Variants in PKIA observed in about 807,000 individuals in gnomAD.
PKIA encodes the protein PKI-alpha.
PKIA carries 4 observed loss-of-function variants against 7.6 expected under a neutral mutation model. That is an observed-to-expected ratio of 0.52 (90% CI 0.26 to 1.20). The LOEUF is 1.20. Among genes scored for constraint, PKIA ranks in the 50% most tolerant of loss-of-function variants. PKIA has a pLI of 0.13. For synonymous variants in PKIA, 21 were observed against 30.7 expected, an observed-to-expected ratio of 0.68 and a Z score of 1.04; for missense variants, 73 against 86.2, an observed-to-expected ratio of 0.85 and a Z score of 0.61.
chr8:78,559,067 A>C (rs773188173), intron 1 of PKIA, among the ~76,000 whole-genome samples: 11 of 152,060 alleles, frequency 7.2e-5, no homozygotes, highest in Non-Finnish European at 1.6e-4. Flanking sequence ...AATAACAGGC[A>C]TGCGCCACAA....
intron 2 of PKIA, among the ~76,000 whole-genome samples, chr8:78,577,023 C>T (rs1331614460): frequency 6.6e-6 from 1 of 151,966 alleles, no homozygotes; most frequent in East Asian, 1.9e-4. Context: ...GAGATAATGT[C>T]TTTTGTAGGA....
intron 3 of PKIA, among the ~76,000 whole-genome samples, chr8:78,601,030 A>C (rs943195670): frequency 2.0e-5 from 3 of 152,126 alleles, no homozygotes; most frequent in African/African-American, 7.2e-5. Context: ...AATTGCCAAC[A>C]GCTTGCACTT....
At chr8:78,572,573 A>ACACAC (rs1807578594) in intron 1 of PKIA, among the ~76,000 whole-genome samples, 3 of 151,194 alleles carry the variant, frequency 2.0e-5, no homozygotes, top group Non-Finnish European at 4.4e-5. Context: ...ACACACACAC[A>ACACAC]ATTAATTAAC....
At chr8:78,532,387 C>T (rs1055356800) in intron 1 of PKIA, among the ~76,000 whole-genome samples, 1 of 151,808 alleles carries the variant, frequency 6.6e-6, no homozygotes, top group East Asian at 1.9e-4. Flanking sequence ...TCCAGCTCAC[C>T]CCTGCTCATT....
chr8:78,575,419 C>G (rs577968201), intron 2 of PKIA, among the ~76,000 whole-genome samples: 36 of 151,700 alleles, frequency 2.4e-4, no homozygotes, highest in Non-Finnish European at 4.7e-4. Context: ...TTTCACTCAA[C>G]ATTATTATGT....
chr8:78,537,566 T>C (rs1357553164), intron 1 of PKIA, among the ~76,000 whole-genome samples: 1 of 151,906 alleles, frequency 6.6e-6, no homozygotes, highest in Non-Finnish European at 1.5e-5. Context: ...TGAGTTACTT[T>C]ATTTCCCAAC....
intron 1 of PKIA, among the ~76,000 whole-genome samples, chr8:78,568,187 C>T (rs560981454): frequency 8.2e-4 from 125 of 152,210 alleles, no homozygotes; most frequent in South Asian, 5.0e-3. Flanking sequence ...ATGTATGTTG[C>T]TATGCATATG....
At chr8:78,560,993 T>C (rs973914644) in intron 1 of PKIA, among the ~76,000 whole-genome samples, 5 of 152,156 alleles carry the variant, frequency 3.3e-5, no homozygotes, top group African/African-American at 1.2e-4. Flanking sequence ...TCTTTGAGAA[T>C]ATATGAGCTC....
intron 2 of PKIA, among the ~76,000 whole-genome samples, chr8:78,577,187 T>C (rs1319722989): frequency 1.3e-5 from 2 of 151,968 alleles, no homozygotes; most frequent in Non-Finnish European, 2.9e-5. Flanking sequence ...ACATGTGCCA[T>C]GTTGGTGTGC....
At chr8:78,592,512 C>T (rs1253418618) in intron 2 of PKIA, among the ~76,000 whole-genome samples, 2 of 152,086 alleles carry the variant, frequency 1.3e-5, no homozygotes. Context: ...CAGGAATAAT[C>T]TCTTCTCACA....
intron 1 of PKIA, among the ~76,000 whole-genome samples, chr8:78,563,525 C>T (rs1420520316): frequency 6.6e-6 from 1 of 152,020 alleles, no homozygotes; most frequent in East Asian, 1.9e-4. Flanking sequence ...AAAAGCATAA[C>T]AGTATTTTTG....
intron 1 of PKIA, among the ~76,000 whole-genome samples, chr8:78,545,812 T>G (rs1806806687): frequency 6.6e-6 from 1 of 152,178 alleles, no homozygotes. Flanking sequence ...GTGGAAATAC[T>G]GATAGCATCA....
intron 1 of PKIA, among the ~76,000 whole-genome samples, chr8:78,524,793 C>T (rs886657812): frequency 1.3e-5 from 2 of 151,794 alleles, no homozygotes; most frequent in Non-Finnish European, 2.9e-5. Context: ...ATTCAATAAA[C>T]GTAAATTGTT....
intron 2 of PKIA, among the ~76,000 whole-genome samples, chr8:78,597,785 G>A (rs892474888): frequency 6.6e-5 from 10 of 151,946 alleles, no homozygotes; most frequent in African/African-American, 2.2e-4. Flanking sequence ...GTACTGTAAG[G>A]ACAAAGTTGA....
chr8:78,557,285 A>T (rs1807163217), intron 1 of PKIA, among the ~76,000 whole-genome samples: 1 of 152,182 alleles, frequency 6.6e-6, no homozygotes, highest in South Asian at 2.1e-4. Context: ...CCAAAATGGC[A>T]CCACTGGTAG....
In PKIA at chr8:78,585,286, C is replaced by T. The variant is rs146124581; in HGVS notation, c.-28+12347C>T. ...ATTGATACTTTCTTATTTACACTTA[C>T]ATTTAAATCACATTTCTGCTCTACA... On this transcript the variant is annotated intron_variant, in intron 2 of 3. Coordinates refer to ENST00000396418, the MANE Select transcript of PKIA (RefSeq NM_006823.4). Among the ~76,000 whole-genome samples the T allele has an allele frequency of 4.4e-4, 67 of 152,028 alleles. No homozygotes were observed. In the East Asian group the frequency reaches 0.01, roughly 24 times the overall value.
intron 1 of PKIA, among the ~76,000 whole-genome samples, chr8:78,563,575 T>G (rs1218142843): frequency 1.3e-5 from 2 of 152,102 alleles, no homozygotes; most frequent in Admixed American, 6.6e-5. Context: ...GGAAAGAGTC[T>G]AGAAATAAAA....
chr8:78,540,197 C>T (rs900971923), intron 1 of PKIA, among the ~76,000 whole-genome samples: 2 of 151,510 alleles, frequency 1.3e-5, no homozygotes, highest in African/African-American at 4.8e-5. Flanking sequence ...AGGAGGAAAA[C>T]GAAAAATAAA....
intron 1 of PKIA, among the ~76,000 whole-genome samples, chr8:78,539,776 C>T (rs1404577651): frequency 1.3e-5 from 2 of 151,882 alleles, no homozygotes; most frequent in African/African-American, 4.8e-5. Flanking sequence ...ATTAGAATTA[C>T]ATGTAATATA....
Sources: allele counts gnomAD v4.1 joint callset (sites outside exome capture counted in the v4.1 genomes callset), GRCh38; gene constraint gnomAD v4.1.1; transcripts MANE v1.5; gene names NCBI Gene and HGNC (gene_info 2026-07-23, HGNC 2026-07-21).